The following ZNF407 variants were observed in gnomAD, a reference collection of about 807,000 sequenced individuals.
ZNF407 encodes the protein zinc finger protein 407.
In ZNF407, 17 loss-of-function variants were observed where a neutral mutation model predicts 131.2. That is an observed-to-expected ratio of 0.13 (90% CI 0.09 to 0.19). ZNF407 has a LOEUF of 0.19. ZNF407 is among the 10% of genes least tolerant of loss of function. ZNF407 has a pLI of 1.00. For synonymous variants in ZNF407, 1,156 were observed against 1,062.0 expected, an observed-to-expected ratio of 1.09 and a Z score of -1.72; for missense variants, 2,681 against 2,830.6, an observed-to-expected ratio of 0.95 and a Z score of 1.20.
chr18:74,916,962 T>A (rs565177541), intron 7 of ZNF407, among the ~76,000 whole-genome samples: 33 of 152,256 alleles, frequency 2.2e-4, no homozygotes, highest in Non-Finnish European at 3.7e-4. Flanking sequence ...CCATGGAGGC[T>A]GAGAACCTCT....
At chr18:74,952,723 TAC>T (rs1972229807) in intron 8 of ZNF407, among the ~76,000 whole-genome samples, 1 of 152,246 alleles carries the variant, frequency 6.6e-6, no homozygotes, top group South Asian at 2.1e-4. Flanking sequence ...ATTTAAAGTG[TAC>T]AGTGTGATGT....
At chr18:74,887,180 A>G (rs1193269385) in intron 6 of ZNF407, among the ~76,000 whole-genome samples, 3 of 152,174 alleles carry the variant, frequency 2.0e-5, no homozygotes, top group Non-Finnish European at 2.9e-5. Context: ...TTTATTACGC[A>G]GTATGAATAT....
intron 7 of ZNF407, among the ~76,000 whole-genome samples, chr18:74,917,382 G>A (rs1185573098): frequency 6.6e-6 from 1 of 152,100 alleles, no homozygotes; most frequent in Non-Finnish European, 1.5e-5. Context: ...TATACATCCT[G>A]TATACAAACA....
Position 74,607,262 on chromosome 18 carries a change from A to T in ZNF407, c.-54+9325A>T, listed in dbSNP as rs569010086. ...GGGCTCAAGAATCTGCATTTCTCAC[A>T]GGTTCCCGGGGTGACTTTGCAGCTG... On this transcript the variant is annotated intron_variant, in intron 1 of 8. Transcript: ENST00000299687. Among the ~76,000 whole-genome samples, 5 of 152,246 alleles carry T rather than the reference A, an allele frequency of 3.3e-5. No homozygotes were observed. In the South Asian group the frequency reaches 1.0e-3, roughly 32 times the overall value.
intron 8 of ZNF407, among the ~76,000 whole-genome samples, chr18:74,925,998 A>C (rs762456861): frequency 5.6e-4 from 86 of 152,216 alleles, no homozygotes; most frequent in South Asian, 2.1e-4. Context: ...GTGTCCTGAT[A>C]CTTCACCACT....
intron 8 of ZNF407, among the ~76,000 whole-genome samples, chr18:74,966,395 TC>T (rs1310319363): frequency 6.6e-6 from 1 of 152,210 alleles, no homozygotes; most frequent in African/African-American, 2.4e-5. Flanking sequence ...TATCTAGTTT[TC>T]CCAGCACCAT....
intron 3 of ZNF407, among the ~76,000 whole-genome samples, chr18:74,711,426 G>T (rs1243830866): frequency 2.0e-5 from 3 of 152,286 alleles, no homozygotes; most frequent in African/African-American, 7.2e-5. Context: ...CGTAAGAGAA[G>T]GTATGATGAC....
intron 3 of ZNF407, among the ~76,000 whole-genome samples, chr18:74,705,150 A>AT (rs113918730): frequency 0.011 from 1,653 of 150,542 alleles, 37 homozygotes; most frequent in African/African-American, 0.038. Flanking sequence ...AGAAAAATAC[A>AT]TTTTTTTTTT....
chr18:74,777,348 G>A (rs1568210998), intron 3 of ZNF407, among the ~76,000 whole-genome samples: 1 of 152,076 alleles, frequency 6.6e-6, no homozygotes, highest in Non-Finnish European at 1.5e-5. Context: ...TTTAAAAACA[G>A]TATTATTTTT....
At chr18:74,865,718 G>A (rs1971001162) in intron 4 of ZNF407, among the ~76,000 whole-genome samples, 2 of 152,154 alleles carry the variant, frequency 1.3e-5, no homozygotes, top group African/African-American at 4.8e-5. Context: ...TATATGAGAA[G>A]TAGATTAAAT....
chr18:74,982,126 G>A (rs1221985233), intron 8 of ZNF407, among the ~76,000 whole-genome samples: 2 of 152,188 alleles, frequency 1.3e-5, no homozygotes, highest in Non-Finnish European at 1.5e-5. Context: ...GAGTAGTATT[G>A]AAAACATGTG....
intron 4 of ZNF407, among the ~76,000 whole-genome samples, chr18:74,813,534 C>T (rs990290902): frequency 3.3e-5 from 5 of 152,188 alleles, no homozygotes; most frequent in Admixed American, 6.5e-5. Context: ...ACTGGGGTTC[C>T]TCCAGTTTCT....
intron 4 of ZNF407, among the ~76,000 whole-genome samples, chr18:74,861,627 C>T (rs1421189127): frequency 6.6e-6 from 1 of 152,192 alleles, no homozygotes; most frequent in Non-Finnish European, 1.5e-5. Context: ...CTAATTATAG[C>T]TTCTAGGAAC....
chr18:74,690,451 G>T (rs199512109), intron 3 of ZNF407, among the ~76,000 whole-genome samples: 4 of 150,178 alleles, frequency 2.7e-5, no homozygotes, highest in Non-Finnish European at 5.9e-5. Flanking sequence ...TTTTTTTGGG[G>T]GTTTTTTTTG....
At chr18:74,601,047 A>G (rs926484816) in intron 1 of ZNF407, among the ~76,000 whole-genome samples, 2 of 152,148 alleles carry the variant, frequency 1.3e-5, no homozygotes, top group Non-Finnish European at 1.5e-5. Flanking sequence ...TGGATTGTAC[A>G]TGCTCAGTTA....
rs5826345 is a variant in ZNF407 at position 74,713,358 on chromosome 18, CTTTTTTTTT to C, written c.4803-68054_4803-68046del. Among the ~76,000 whole-genome samples the C allele has an allele frequency of 5.9e-5, 5 of 84,454 alleles. No individual in the cohort carries two copies. The South Asian group carries it at 2.1e-3, about 35-fold the overall frequency. The allele number at this position is 84,454 out of a possible 152,430, so 55.4% of individuals were successfully genotyped here. A position where few individuals can be genotyped will look rare whatever the true frequency, so the allele number is the denominator to read the frequency against. On this transcript the variant is annotated intron_variant, in intron 3 of 8. Coordinates refer to ENST00000299687, the MANE Select transcript of ZNF407 (RefSeq NM_017757.3). The stretch of plus-strand genomic sequence containing the variant: ...AGATTTACCTGGAACATTTTAGCAT[CTTTTTTTTT>C]TTTTTTTTTTTTTTTACATATCTTG...
chr18:74,820,824 A>G (rs1220884622), intron 4 of ZNF407, among the ~76,000 whole-genome samples: 1 of 152,164 alleles, frequency 6.6e-6, no homozygotes, highest in East Asian at 1.9e-4. Context: ...AAAATGGGGC[A>G]TCACCTATGC....
intron 8 of ZNF407, among the ~76,000 whole-genome samples, chr18:75,027,369 G>A (rs887624503): frequency 2.0e-5 from 3 of 152,324 alleles, no homozygotes; most frequent in African/African-American, 7.2e-5. Flanking sequence ...CTCCTTTATG[G>A]AGGATGGTTT....
At chr18:74,661,430 T>C (rs1985710293) in intron 3 of ZNF407, among the ~76,000 whole-genome samples, 2 of 149,228 alleles carry the variant, frequency 1.3e-5, no homozygotes, top group South Asian at 4.2e-4. Flanking sequence ...ATATGTTATT[T>C]CTCTTTTATA....
Sources: gnomAD v4.1 joint callset for allele counts (sites outside exome capture counted in the v4.1 genomes callset) on GRCh38, gnomAD v4.1.1 for gene constraint, MANE v1.5 for transcripts, NCBI Gene and HGNC (gene_info 2026-07-23, HGNC 2026-07-21) for gene names.